TLCD5: variants seen among roughly 807,000 people sequenced by gnomAD.
TLCD5 encodes TLC domain-containing protein 5.
Under a neutral mutation model 20.5 loss-of-function variants are expected in TLCD5, and 15 were observed. The ratio of observed to expected loss-of-function variants is 0.73; its 90% CI spans 0.49 to 1.13. The LOEUF (loss-of-function observed/expected upper bound fraction) is 1.13, where lower values mean the gene tolerates loss of function less well. TLCD5 is among the 50% of genes most tolerant of loss of function. The probability of loss-of-function intolerance (pLI) is 0.00; values close to 1 mark genes in which losing one functional copy is unlikely to be tolerated. For synonymous variants in TLCD5, 107 were observed against 114.7 expected, an observed-to-expected ratio of 0.93 and a Z score of 0.43; for missense variants, 289 against 305.6, an observed-to-expected ratio of 0.95 and a Z score of 0.41.
At chr11:120,328,946 T>TGTGTGTG (rs376616967) in intron 2 of TLCD5, among the ~76,000 whole-genome samples, 1 of 30,180 alleles carries the variant, frequency 3.3e-5, no homozygotes, top group African/African-American at 1.6e-4. Context: ...GTGTGTGTGT[T>TGTGTGTG]TGTGTATGTT....
chr11:120,327,717 G>C, intron 2 of TLCD5, 77 bp downstream of exon 2: 10 of 1,401,256 alleles, frequency 7.1e-6, no homozygotes, highest in Non-Finnish European at 7.7e-6. Context: ...AACAGAATTT[G>C]TACAATACTG....
At chr11:120,326,560 A>T (rs1942005602) in intron 1 of TLCD5, among the ~76,000 whole-genome samples, 1 of 152,220 alleles carries the variant, frequency 6.6e-6, no homozygotes, top group Non-Finnish European at 1.5e-5. Context: ...TCAATGGAGG[A>T]GCTAATGAAT....
Position 120,330,134 on chromosome 11 carries a change from T to C in TLCD5, c.357T>C (p.Leu119=). ...TGGGCATTATCATGGCCCTTGTGCT[T>C]GGGGAGTCTGGCACAGAGGTCAATG... ...SILGIIMALV[L]GESGTEVNAV... is the part of the protein sequence containing the mutation. Residue 119 remains leucine (L), a synonymous_variant, in exon 3 of 3, where the codon CTT becomes CTC. Transcript: ENST00000375095. The C allele has an allele frequency of 6.2e-7, 1 of 1,612,688 alleles. No individual in the cohort carries two copies. The highest frequency in any genetic ancestry group is 1.7e-4 in the Middle Eastern group (1 of 6,060).
rs932348294 is a variant in TLCD5 at position 120,329,588 on chromosome 11, A to G, written c.200-389A>G. On this transcript the variant is annotated intron_variant, in intron 2 of 2. Coordinates refer to ENST00000375095, the MANE Select transcript of TLCD5 (RefSeq NM_001198671.2). ...AAAAAAATCTGACATTCAGGAAACAATGATTCAAGAGTCTGGAAATAAACC... is the reference window on the plus strand; with the variant it reads ...AAAAAAATCTGACATTCAGGAAACAGTGATTCAAGAGTCTGGAAATAAACC... Among the ~76,000 whole-genome samples the G allele has an allele frequency of 3.3e-5, 5 of 152,324 alleles. No homozygotes were observed. The East Asian group carries it at 9.6e-4, about 29-fold the overall frequency.
intron 2 of TLCD5, among the ~76,000 whole-genome samples, chr11:120,328,238 C>G (rs1942045324): frequency 6.6e-6 from 1 of 152,028 alleles, no homozygotes; most frequent in Non-Finnish European, 1.5e-5. Context: ...CGCCACCATG[C>G]CCAGCTAATT....
In TLCD5 at chr11:120,331,983, ACTC is replaced by A. The variant is rs1942164699; in HGVS notation, c.*1474_*1476del. 1 of 151,672 alleles carries A rather than the reference ACTC, an allele frequency of 6.6e-6. No homozygotes were observed. Among genetic ancestry groups the A allele is most frequent in the Non-Finnish European group, 1.5e-5 (1 of 67,884 alleles). 9.4% of individuals were successfully genotyped at this position (151,672 alleles called of 1,614,324 possible). A position where few individuals can be genotyped will look rare whatever the true frequency, so the allele number is the denominator to read the frequency against. ...CATTTTAGATACTTTCCCTTTTAGTACTCCTCCTACTTTTCTTATTTTTACTAA... is the reference window on the plus strand; with the variant it reads ...CATTTTAGATACTTTCCCTTTTAGTACTCCTACTTTTCTTATTTTTACTAA... On this transcript the variant is annotated 3_prime_UTR_variant, in exon 3 of 3. Transcript: ENST00000375095. This position sits in a 1 kb window ranked among gnomAD's most constrained non-coding sequence, Gnocchi z 4.5.
At position 120,327,477 on chromosome 11, in the gene TLCD5, C is replaced by T. The variant is rs989620593; in HGVS notation, c.36C>T (p.Ser12=). Residue 12 remains serine, a synonymous_variant, in exon 2 of 3, where the codon AGC becomes AGT. Coordinates refer to ENST00000375095, the MANE Select transcript of TLCD5 (RefSeq NM_001198671.2). ...CTCTGTGTCTGCAGGTGCTGTGCAG[C>T]CTGTGTGGCTGGCTCTCGCTCTATA... The part of the protein sequence containing the change: ...ALALCLQVLC[S]LCGWLSLYIS... 5 of 1,614,048 alleles carry T rather than the reference C, an allele frequency of 3.1e-6. No individual in the cohort carries two copies. The highest frequency in any genetic ancestry group is 2.7e-5 in the African/African-American group (2 of 74,902).
intron 1 of TLCD5, among the ~76,000 whole-genome samples, chr11:120,326,257 C>T (rs1205116854): frequency 1.3e-5 from 2 of 151,570 alleles, no homozygotes; most frequent in Non-Finnish European, 2.9e-5. Context: ...GATTTGCCCA[C>T]ACTCTTATGG....
At position 120,327,517 on chromosome 11, in the gene TLCD5, C is replaced by T; in HGVS notation, c.76C>T (p.Leu26=). 6.2e-7 allele frequency: 1 copy of T among 1,614,210 alleles called. No individual in the cohort carries two copies. The highest frequency in any genetic ancestry group is 8.5e-7 in the Non-Finnish European group (1 of 1,180,042). The change falls in exon 2 of 3, where the codon CTG becomes TTG. Residue 26 remains leucine, a synonymous_variant. Transcript: ENST00000375095. ...WLSLYISFCH[L]NKHRSYEWSC... Reference sequence around the variant, plus strand: ...CTCGCTCTATATTTCTTTCTGCCACCTGAATAAGCACCGAAGCTATGAGTG... The same window carrying T: ...CTCGCTCTATATTTCTTTCTGCCACTTGAATAAGCACCGAAGCTATGAGTG...
intron 1 of TLCD5, among the ~76,000 whole-genome samples, chr11:120,326,132 G>C (rs1941992732): frequency 6.6e-6 from 1 of 152,144 alleles, no homozygotes; most frequent in Admixed American, 6.5e-5. Flanking sequence ...CCGGACTGTA[G>C]AGTTCTTCAG....
chr11:120,327,497 T>C lies in TLCD5; in HGVS notation c.56T>C (p.Leu19Pro), dbSNP rs767474871. 2 of 1,614,214 alleles carry C rather than the reference T, an allele frequency of 1.2e-6. No homozygotes were observed. The highest frequency in any genetic ancestry group is 1.7e-6 in the Non-Finnish European group (2 of 1,180,034). Residue 19 changes from leucine to proline, a missense_variant, in exon 2 of 3, where the codon CTC becomes CCC. Leu to Pro is a moderately conservative substitution (Grantham distance 98, BLOSUM62 -3). Transcript: ENST00000375095. ...VLCSLCGWLS[L>P]YISFCHLNKH... Reference sequence around the variant, plus strand: ...TGCAGCCTGTGTGGCTGGCTCTCGCTCTATATTTCTTTCTGCCACCTGAAT... The same window carrying C: ...TGCAGCCTGTGTGGCTGGCTCTCGCCCTATATTTCTTTCTGCCACCTGAAT...
At chr11:120,329,080 TTGTGTG>T (rs67465966) in intron 2 of TLCD5, among the ~76,000 whole-genome samples, 14 of 114,570 alleles carry the variant, frequency 1.2e-4, no homozygotes, top group South Asian at 3.0e-4. Flanking sequence ...AACAGTCATA[TTGTGTG>T]TGTGTGTGTG....
Position 120,330,441 on chromosome 11 carries a change from A to G in TLCD5, c.664A>G (p.Lys222Glu). The part of the protein sequence containing the change: ...WRFAWRKSIK[K>E]YHAWRSRRSE... Reference sequence around the variant, plus strand: ...CTTTGCATGGAGGAAGAGCATCAAGAAGTACCATGCTTGGAGAAGCAGGCG... The same window carrying G: ...CTTTGCATGGAGGAAGAGCATCAAGGAGTACCATGCTTGGAGAAGCAGGCG... Residue 222 changes from lysine to glutamate, a missense_variant, in exon 3 of 3, where the codon AAG (lysine) becomes GAG (glutamate). By Grantham distance (56) the Lys-to-Glu change is moderately conservative. Transcript: ENST00000375095. 2 of 1,614,152 alleles carry G rather than the reference A, an allele frequency of 1.2e-6. No individual in the cohort carries two copies. The highest frequency in any genetic ancestry group is 8.5e-7 in the Non-Finnish European group (1 of 1,180,026).
At chr11:120,327,078 T>G (rs1250812850) in intron 1 of TLCD5, 6 of 357,534 alleles carry the variant, frequency 1.7e-5, no homozygotes, top group Non-Finnish European at 3.1e-5. Context: ...TGTGAAGACA[T>G]TATTTAATAC....
At chr11:120,328,707 G>A (rs1942060974) in intron 2 of TLCD5, among the ~76,000 whole-genome samples, 1 of 151,658 alleles carries the variant, frequency 6.6e-6, no homozygotes, top group Non-Finnish European at 1.5e-5. Context: ...GTGTGTGTGT[G>A]TATGTTTATG....
chr11:120,330,494 C>T lies in TLCD5; in HGVS notation c.717C>T (p.Asn239=), dbSNP rs140918928. 2.6e-5 allele frequency: 42 copies of T among 1,612,668 alleles called. No individual in the cohort carries two copies. The highest frequency in any genetic ancestry group is 1.8e-4 in the Admixed American group (11 of 59,996). ...RRSEERQLKH[N]GHLKIH ...GTGAGGAACGGCAGCTGAAACACAA[C>T]GGACATCTCAAAATACACTAGCCAA... Residue 239 remains asparagine (N), a synonymous_variant, in exon 3 of 3, where the codon AAC becomes AAT. Coordinates refer to ENST00000375095, the MANE Select transcript of TLCD5 (RefSeq NM_001198671.2).
At chr11:120,325,847 C>CG (rs1157859860) in intron 1 of TLCD5, among the ~76,000 whole-genome samples, 5 of 152,236 alleles carry the variant, frequency 3.3e-5, no homozygotes, top group African/African-American at 1.2e-4. Context: ...CTGCCATTTA[C>CG]GAATGTCTGT....
At chr11:120,325,769 C>T (rs1941984465) in intron 1 of TLCD5, among the ~76,000 whole-genome samples, 1 of 152,228 alleles carries the variant, frequency 6.6e-6, no homozygotes, top group African/African-American at 2.4e-5. Context: ...CCCTTCCGTT[C>T]TTTGGCAAAA....
At position 120,327,471 on chromosome 11, in the gene TLCD5, G is replaced by C. The variant is rs1942027267; in HGVS notation, c.30G>C (p.Leu10=). The C allele has an allele frequency of 1.2e-6, 2 of 1,614,198 alleles. No homozygotes were observed. Among genetic ancestry groups the C allele is most frequent in the Non-Finnish European group, 1.7e-6 (2 of 1,180,034 alleles). MALALCLQV[L]CSLCGWLSLY... ...CATTAGCTCTGTGTCTGCAGGTGCT[G>C]TGCAGCCTGTGTGGCTGGCTCTCGC... The change falls in exon 2 of 3, where the codon CTG becomes CTC. Residue 10 remains leucine (L), a synonymous_variant. Coordinates refer to ENST00000375095, the MANE Select transcript of TLCD5 (RefSeq NM_001198671.2).
Sources: gnomAD v4.1 joint callset for allele counts (sites outside exome capture counted in the v4.1 genomes callset) on GRCh38, gnomAD v4.1.1 for gene constraint, Gnocchi (gnomAD v3.1) non-coding constraint, MANE v1.5 for transcripts, NCBI Gene and HGNC (gene_info 2026-07-23, HGNC 2026-07-21) for gene names.